EGFR: variants seen among roughly 807,000 people sequenced by gnomAD.
The protein encoded by EGFR is epidermal growth factor receptor.
Under a neutral mutation model 143.0 loss-of-function variants are expected in EGFR, and 58 were observed. The ratio of observed to expected loss-of-function variants is 0.41; its 90% CI spans 0.33 to 0.50. The LOEUF (loss-of-function observed/expected upper bound fraction) is 0.50, where lower values mean the gene tolerates loss of function less well. Among genes scored for constraint, EGFR ranks in the 20% least tolerant of loss-of-function variants. The pLI is 0.39. For missense variants in EGFR, 1,307 were observed against 1,579.0 expected, an observed-to-expected ratio of 0.83 and a Z score of 2.92; for synonymous variants, 613 against 594.4, an observed-to-expected ratio of 1.03 and a Z score of -0.45.
chr7:55,023,373 G>A (rs1045657556), intron 1 of EGFR, among the ~76,000 whole-genome samples: 1 of 152,116 alleles, frequency 6.6e-6, no homozygotes, highest in Non-Finnish European at 1.5e-5. Flanking sequence ...TTCTGGGCCG[G>A]GCATGGTGGC....
intron 20 of EGFR, among the ~76,000 whole-genome samples, chr7:55,186,684 C>T (rs1787151974): frequency 6.6e-6 from 1 of 152,220 alleles, no homozygotes; most frequent in South Asian, 2.1e-4. Context: ...CATCTTTAGA[C>T]ATTTTGACTA....
intron 1 of EGFR, among the ~76,000 whole-genome samples, chr7:55,065,245 CT>C (rs1024716179): frequency 8.5e-5 from 13 of 152,250 alleles, no homozygotes; most frequent in Admixed American, 1.3e-4. Flanking sequence ...TGCATAAACA[CT>C]GAGATGTTCT....
intron 21 of EGFR, 87 bp downstream of exon 21, chr7:55,191,961 C>A: frequency 6.3e-7 from 1 of 1,578,804 alleles, no homozygotes; most frequent in South Asian, 1.1e-5. Flanking sequence ...TTAACACATG[C>A]AGGGGAGGAT....
intron 1 of EGFR, among the ~76,000 whole-genome samples, chr7:55,140,486 C>T (rs944415281): frequency 3.3e-5 from 5 of 152,124 alleles, no homozygotes; most frequent in East Asian, 1.9e-4. Context: ...GTGTGCCAAC[C>T]GAAAGGCCAC....
chr7:55,052,087 C>T (rs887085642), intron 1 of EGFR, among the ~76,000 whole-genome samples: 2 of 152,176 alleles, frequency 1.3e-5, no homozygotes, highest in African/African-American at 4.8e-5. Flanking sequence ...GACCCTGGAT[C>T]CCAGCCTCAC....
In EGFR at chr7:55,174,837, C is replaced by T. The variant is rs1449196769; in HGVS notation, c.2283+17C>T. 5 of 1,605,480 alleles carry T rather than the reference C, an allele frequency of 3.1e-6. No homozygotes were observed. Among genetic ancestry groups the T allele is most frequent in the Non-Finnish European group, 4.3e-6 (5 of 1,172,310 alleles). ...ATCCTCGATGTGAGTTTCTGCTTTG[C>T]TGTGTGGGGGTCCATGGCTCTGAAC... On this transcript the variant is annotated intron_variant, in intron 19 of 27. Transcript: ENST00000275493.
At chr7:55,164,388 G>A (rs189677781) in intron 14 of EGFR, among the ~76,000 whole-genome samples, 2 of 152,256 alleles carry the variant, frequency 1.3e-5, no homozygotes, top group East Asian at 3.9e-4. Context: ...TTTCTTGTGA[G>A]CTTCAACAGC....
rs1788153427 is a variant in EGFR, at chr7:55,208,076, A to C, written c.*2459A>C. ...AACAGTAACTTAATAAAAGAGCAAA[A>C]GCTATTCTAGCTTTCTTCTTCATAT... On this transcript the variant is annotated 3_prime_UTR_variant, in exon 28 of 28. Coordinates refer to ENST00000275493, the MANE Select transcript of EGFR (RefSeq NM_005228.5). 1 of 152,172 alleles carries C rather than the reference A, an allele frequency of 6.6e-6. No homozygotes were observed. Among genetic ancestry groups the C allele is most frequent in the South Asian group, 2.1e-4 (1 of 4,828 alleles). The allele number at this position is 152,172 out of a possible 1,614,324, so 9.4% of individuals were successfully genotyped here. A position where few individuals can be genotyped will look rare whatever the true frequency, so the allele number is the denominator to read the frequency against.
intron 1 of EGFR, among the ~76,000 whole-genome samples, chr7:55,091,481 G>T (rs1279133754): frequency 3.3e-5 from 5 of 152,188 alleles, no homozygotes. Context: ...GCCACAGTTG[G>T]GTTGGGGGTG....
chr7:55,024,033 C>A (rs958399230), intron 1 of EGFR, among the ~76,000 whole-genome samples: 3 of 152,174 alleles, frequency 2.0e-5, no homozygotes, highest in African/African-American at 4.8e-5. Context: ...ATTCAAATAA[C>A]TAGTTTGCCT....
At position 55,210,513 on chromosome 7, in the gene EGFR, A is replaced by G. The variant is rs776452189; in HGVS notation, c.*4896A>G. The G allele has an allele frequency of 6.6e-6, 1 of 152,082 alleles. No individual in the cohort carries two copies. The highest frequency in any genetic ancestry group is 1.5e-5 in the Non-Finnish European group (1 of 68,032). The allele number at this position is 152,082 out of a possible 1,614,324, so 9.4% of individuals were successfully genotyped here. ...TTTTAAAGCTCCTGAGGTCATTCCA[A>G]TGTGCGGCCAAAGTTGAGAACTACT... On this transcript the variant is annotated 3_prime_UTR_variant, in exon 28 of 28. Coordinates refer to ENST00000275493, the MANE Select transcript of EGFR (RefSeq NM_005228.5).
At chr7:55,099,655 C>G (rs1791685785) in intron 1 of EGFR, among the ~76,000 whole-genome samples, 1 of 152,212 alleles carries the variant, frequency 6.6e-6, no homozygotes, top group Non-Finnish European at 1.5e-5. Flanking sequence ...ACCTGGGACT[C>G]TGCCTTCAGG....
At position 55,206,784 on chromosome 7, in the gene EGFR, G is replaced by A. The variant is rs372235181; in HGVS notation, c.*1167G>A. 4.3e-5 allele frequency: 10 copies of A among 232,736 alleles called. No individual in the cohort carries two copies. The highest frequency in any genetic ancestry group is 6.6e-5 in the African/African-American group (3 of 45,142). 14.4% of individuals were successfully genotyped at this position (232,736 alleles called of 1,614,324 possible). On this transcript the variant is annotated 3_prime_UTR_variant, in exon 28 of 28. Coordinates refer to ENST00000275493, the MANE Select transcript of EGFR (RefSeq NM_005228.5). ...AGCTGCCCCCAAACCCCCTCCTTAC[G>A]CTTTGTCACACAAAAAGTGTCTCTG...
At chr7:55,077,831 C>T (rs1457345155) in intron 1 of EGFR, among the ~76,000 whole-genome samples, 1 of 152,098 alleles carries the variant, frequency 6.6e-6, no homozygotes, top group Non-Finnish European at 1.5e-5. Flanking sequence ...GATGCAGGCC[C>T]GTCTTTTCTT....
At chr7:55,144,942 T>G (rs1263299585) in intron 3 of EGFR, among the ~76,000 whole-genome samples, 1 of 152,212 alleles carries the variant, frequency 6.6e-6, no homozygotes, top group African/African-American at 2.4e-5. Flanking sequence ...GAAAATTAAG[T>G]GACTGTAGGA....
chr7:55,036,271 T>TGTGG (rs1414370413), intron 1 of EGFR, among the ~76,000 whole-genome samples: 29 of 22,396 alleles, frequency 1.3e-3, no homozygotes, highest in African/African-American at 4.4e-3. Flanking sequence ...TGTGTGTGTG[T>TGTGG]GGGGGGGGGG....
At chr7:55,067,522 G>A (rs2128881878) in intron 1 of EGFR, among the ~76,000 whole-genome samples, 1 of 151,524 alleles carries the variant, frequency 6.6e-6, no homozygotes, top group Middle Eastern at 3.4e-3. Flanking sequence ...TTTAAGTTTT[G>A]AATTATGGTA....
At chr7:55,021,227 G>A (rs1186453093) in intron 1 of EGFR, among the ~76,000 whole-genome samples, 1 of 152,236 alleles carries the variant, frequency 6.6e-6, no homozygotes. Context: ...TGAGCCTGCA[G>A]GCCCGTCCTG....
chr7:55,198,941 G>T (rs771083467), intron 23 of EGFR, 78 bp downstream of exon 23: 119 of 1,578,142 alleles, frequency 7.5e-5, no homozygotes, highest in Non-Finnish European at 1.0e-4. Flanking sequence ...TGAGGCCTTT[G>T]CATCCCTGGA....
Sources: allele counts gnomAD v4.1 joint callset (sites outside exome capture counted in the v4.1 genomes callset), GRCh38; gene constraint gnomAD v4.1.1; transcripts MANE v1.5; gene names NCBI Gene and HGNC (gene_info 2026-07-23, HGNC 2026-07-21).